Variants in NUFIP1 observed in about 807,000 individuals in gnomAD.
NUFIP1 encodes FMR1-interacting protein NUFIP1.
Under a neutral mutation model 56.2 loss-of-function variants are expected in NUFIP1, and 38 were observed. The observed-to-expected ratio is 0.68, with a 90% CI of 0.52 to 0.89. The LOEUF is 0.89. Among genes scored for constraint, NUFIP1 ranks in the 40% least tolerant of loss-of-function variants. The pLI is 0.00. For synonymous variants in NUFIP1, 215 were observed against 212.4 expected (o/e 1.01, Z -0.10); for missense variants, 567 against 605.8 (o/e 0.94, Z 0.67).
chr13:44,961,171 A>G (rs1251754064), intron 6 of NUFIP1, among the ~76,000 whole-genome samples: 2 of 152,350 alleles, frequency 1.3e-5, no homozygotes, highest in African/African-American at 4.8e-5. Flanking sequence ...ATAGTAGACA[A>G]TAACACAAGG....
Position 44,963,418 on chromosome 13 carries a change from A to G in NUFIP1, c.827+2426T>C, listed in dbSNP as rs558844574. 1.3e-4 allele frequency among the ~76,000 whole-genome samples: 20 copies of G among 152,366 alleles called. No individual in the cohort carries two copies. The South Asian group carries it at 4.1e-3, about 32-fold the overall frequency. On this transcript the variant is annotated intron_variant, in intron 6 of 9. Coordinates refer to ENST00000379161, the MANE Select transcript of NUFIP1 (RefSeq NM_012345.3). The stretch of plus-strand genomic sequence containing the variant: ...GGCAACCTTGCTAAATTCATTTATA[A>G]AAGTGGTAACACTGGACATCCTTAT...
intron 6 of NUFIP1, among the ~76,000 whole-genome samples, chr13:44,960,449 T>C (rs1313963983): frequency 2.0e-5 from 3 of 151,820 alleles, no homozygotes; most frequent in African/African-American, 7.3e-5. Context: ...TGTATTTTTG[T>C]AGAGACAAGG....
At chr13:44,981,780 C>A (rs1872198457) in intron 2 of NUFIP1, among the ~76,000 whole-genome samples, 1 of 151,950 alleles carries the variant, frequency 6.6e-6, no homozygotes, top group African/African-American at 2.4e-5. Context: ...CCACTGCACT[C>A]CAGCCTGGGC....
intron 7 of NUFIP1, among the ~76,000 whole-genome samples, chr13:44,956,814 C>T (rs181603484): frequency 1.3e-5 from 2 of 152,128 alleles, no homozygotes; most frequent in Admixed American, 6.5e-5. Context: ...CCCGCTCCCC[C>T]CTGGGGTTCC....
At chr13:44,982,925 T>G (rs953641292) in intron 1 of NUFIP1, among the ~76,000 whole-genome samples, 1 of 152,162 alleles carries the variant, frequency 6.6e-6, no homozygotes, top group African/African-American at 2.4e-5. Flanking sequence ...GGAGGATCAC[T>G]TGAGTTCAGG....
rs369829609 is a variant in NUFIP1, at chr13:44,967,376, C to T, written c.735-1440G>A. 2.6e-5 allele frequency among the ~76,000 whole-genome samples: 4 copies of T among 152,064 alleles called. No homozygotes were observed. The South Asian group carries it at 6.2e-4, about 24-fold the overall frequency. ...AAAAAAAATTAGCTGGGCATGGTGGCGGATGCCTGTAATCCCAGCTACTCA... is the reference window on the plus strand; with the variant it reads ...AAAAAAAATTAGCTGGGCATGGTGGTGGATGCCTGTAATCCCAGCTACTCA... On this transcript the variant is annotated intron_variant, in intron 5 of 9. Coordinates refer to ENST00000379161, the MANE Select transcript of NUFIP1 (RefSeq NM_012345.3).
At chr13:44,981,696 A>G (rs551784647) in intron 2 of NUFIP1, among the ~76,000 whole-genome samples, 31 of 152,210 alleles carry the variant, frequency 2.0e-4, no homozygotes, top group Middle Eastern at 3.4e-3. Flanking sequence ...CTGCAGTCCC[A>G]GCTACTCTGG....
chr13:44,974,770 C>T (rs372299021), intron 5 of NUFIP1, among the ~76,000 whole-genome samples: 2 of 152,072 alleles, frequency 1.3e-5, no homozygotes, highest in Non-Finnish European at 2.9e-5. Context: ...CAGGCTTGGC[C>T]GTTAGAAATC....
At position 44,952,552 on chromosome 13, in the gene NUFIP1, T is replaced by C. The variant is rs567962561; in HGVS notation, c.1022-2714A>G. On this transcript the variant is annotated intron_variant, in intron 7 of 9. Coordinates refer to ENST00000379161, the MANE Select transcript of NUFIP1 (RefSeq NM_012345.3). ...TGAAGCCGAGGGCAAGGCTTTAATG[T>C]CCTTTCCCTCCTCCCTTCTTTTTTA... 8.5e-5 allele frequency among the ~76,000 whole-genome samples: 13 copies of C among 152,338 alleles called. No individual in the cohort carries two copies. In the South Asian group the frequency reaches 2.5e-3, roughly 29 times the overall value.
In NUFIP1 at chr13:44,941,191, T is replaced by C; in HGVS notation, c.*15A>G. The C allele has an allele frequency of 2.3e-6, 3 of 1,325,934 alleles. No individual in the cohort carries two copies. The highest frequency in any genetic ancestry group is 1.2e-5 in the South Asian group (1 of 81,854). The allele number at this position is 1,325,934 out of a possible 1,614,324, so 82.1% of individuals were successfully genotyped here. A position where few individuals can be genotyped will look rare whatever the true frequency, so the allele number is the denominator to read the frequency against. ...TTTCACATGCTTCAGTTATGTATGC[T>C]GAAACACCAGATGCCTATACATCTT... On this transcript the variant is annotated 3_prime_UTR_variant, in exon 10 of 10. Coordinates refer to ENST00000379161, the MANE Select transcript of NUFIP1 (RefSeq NM_012345.3).
At chr13:44,973,010 G>C (rs1871857293) in intron 5 of NUFIP1, among the ~76,000 whole-genome samples, 1 of 152,204 alleles carries the variant, frequency 6.6e-6, no homozygotes, top group African/African-American at 2.4e-5. Context: ...AGGTTGCTGA[G>C]ATTTCTTGCT....
intron 7 of NUFIP1, among the ~76,000 whole-genome samples, chr13:44,957,397 A>G (rs1871282270): frequency 6.6e-6 from 1 of 152,142 alleles, no homozygotes; most frequent in East Asian, 1.9e-4. Flanking sequence ...TTTTTAGTAG[A>G]GACAGGGTTT....
At position 44,989,317 on chromosome 13, in the gene NUFIP1, C is replaced by T; in HGVS notation, c.120G>A (p.Trp40Ter). Residue 40 changes from tryptophan to a stop codon, truncating the protein, a stop_gained, in exon 1 of 10, where the codon TGG becomes TGA. Transcript: ENST00000379161. LOFTEE classifies it high-confidence loss of function. The part of the protein sequence containing the change: ...TAPPRDSWMF[W>*]AMLPPPPPPL... The stretch of plus-strand genomic sequence containing the variant: ...GTGGTGGCGGTGGCGGCAGCATTGC[C>T]CAGAACATCCAGCTGTCCCGCGGCG... The T allele has an allele frequency of 6.2e-7, 1 of 1,613,274 alleles. No homozygotes were observed. The highest frequency in any genetic ancestry group is 8.5e-7 in the Non-Finnish European group (1 of 1,179,812).
At chr13:44,978,948 A>G (rs1219067485) in intron 5 of NUFIP1, among the ~76,000 whole-genome samples, 1 of 152,214 alleles carries the variant, frequency 6.6e-6, no homozygotes, top group Non-Finnish European at 1.5e-5. Context: ...AACATCTGAC[A>G]GGTGACATGC....
chr13:44,941,108 A>G lies in NUFIP1; in HGVS notation c.*98T>C. ...TACGAGGCTTACAATTTAATTACAA[A>G]TCCAATTTTGACGGAAAAAAGGGTT... is the stretch of plus-strand genomic sequence containing the variant. On this transcript the variant is annotated 3_prime_UTR_variant, in exon 10 of 10. Coordinates refer to ENST00000379161, the MANE Select transcript of NUFIP1 (RefSeq NM_012345.3). 1 of 640,198 alleles carries G rather than the reference A, an allele frequency of 1.6e-6. No individual in the cohort carries two copies. The highest frequency in any genetic ancestry group is 2.8e-6 in the Non-Finnish European group (1 of 362,704). 39.7% of individuals were successfully genotyped at this position (640,198 alleles called of 1,614,324 possible).
chr13:44,957,234 C>T (rs1003198581), intron 7 of NUFIP1, among the ~76,000 whole-genome samples: 26 of 151,798 alleles, frequency 1.7e-4, no homozygotes, highest in Admixed American at 1.1e-3. Context: ...TTTTTGAGAC[C>T]GAGTTTTGCT....
rs781628251 is a variant in NUFIP1 at position 44,989,423 on chromosome 13, G to C, written c.14C>G (p.Thr5Ser). 14 of 1,613,378 alleles carry C rather than the reference G, an allele frequency of 8.7e-6. No individual in the cohort carries two copies. In the Admixed American group the frequency reaches 1.2e-4, roughly 13 times the overall value. The change falls in exon 1 of 10, where the codon ACT (threonine) becomes AGT (serine). Residue 5 changes from threonine (T) to serine (S), a missense_variant. Coordinates refer to ENST00000379161, the MANE Select transcript of NUFIP1 (RefSeq NM_012345.3). The stretch of plus-strand genomic sequence containing the variant: ...CCCGATAGGAGTCTCGAAATCACTA[G>C]TCGGCTCAGCCATACCACTGGCGGG... Reference protein sequence around the residue: MAEPTSDFETPIGWH... With the variant: MAEPSSDFETPIGWH...
chr13:44,969,488 G>A (rs1871729628), intron 5 of NUFIP1, among the ~76,000 whole-genome samples: 1 of 152,162 alleles, frequency 6.6e-6, no homozygotes, highest in Admixed American at 6.5e-5. Flanking sequence ...GTTAGAGAAT[G>A]GATAATATGA....
At chr13:44,965,304 T>C (rs535033771) in intron 6 of NUFIP1, among the ~76,000 whole-genome samples, 14 of 152,332 alleles carry the variant, frequency 9.2e-5, no homozygotes, top group Admixed American at 5.2e-4. Flanking sequence ...TTAAACCTCT[T>C]TCTTTTGTAA....
Sources: allele counts gnomAD v4.1 joint callset (sites outside exome capture counted in the v4.1 genomes callset), GRCh38; gene constraint gnomAD v4.1.1; transcripts MANE v1.5; gene names NCBI Gene and HGNC (gene_info 2026-07-23, HGNC 2026-07-21).